PCGF5: variants seen among roughly 807,000 people sequenced by gnomAD.
The protein encoded by PCGF5 is polycomb group RING finger protein 5.
In PCGF5, 9 loss-of-function variants were observed where a neutral mutation model predicts 44.3. That is an observed-to-expected ratio of 0.20 (90% CI 0.12 to 0.35). The LOEUF (loss-of-function observed/expected upper bound fraction) is 0.35, where lower values mean the gene tolerates loss of function less well. Among genes scored for constraint, PCGF5 ranks in the 10% least tolerant of loss-of-function variants. The pLI, the probability that PCGF5 is intolerant of heterozygous loss-of-function variation, is 1.00. For synonymous variants in PCGF5, 95 were observed against 102.5 expected (o/e 0.93, Z 0.44); for missense variants, 146 against 305.3 (o/e 0.48, Z 3.89).
intron 1 of PCGF5, among the ~76,000 whole-genome samples, chr10:91,199,664 G>T (rs1308348047): frequency 6.6e-6 from 1 of 152,186 alleles, no homozygotes; most frequent in Non-Finnish European, 1.5e-5. Flanking sequence ...AACATTCAAG[G>T]CTAGTTTTAG....
intron 2 of PCGF5, among the ~76,000 whole-genome samples, chr10:91,240,154 CCTA>C (rs560012496): frequency 1.1e-3 from 167 of 151,972 alleles, no homozygotes; most frequent in African/African-American, 3.9e-3. Flanking sequence ...CTTTTTCTGT[CCTA>C]CTTCTTTAAA....
intron 2 of PCGF5, among the ~76,000 whole-genome samples, chr10:91,225,214 T>C (rs913973265): frequency 2.7e-5 from 4 of 147,762 alleles, no homozygotes; most frequent in Middle Eastern, 3.6e-3. Context: ...ATATATATCA[T>C]ATATTTGATA....
intron 3 of PCGF5, among the ~76,000 whole-genome samples, chr10:91,242,927 T>C (rs1845367415): frequency 6.6e-6 from 1 of 152,210 alleles, no homozygotes; most frequent in Non-Finnish European, 1.5e-5. Flanking sequence ...TGATGTCCTT[T>C]ATAGAGATCT....
intron 2 of PCGF5, chr10:91,227,242 T>C (rs920361326): frequency 6.9e-6 from 3 of 435,692 alleles, no homozygotes; most frequent in African/African-American, 6.2e-5. Flanking sequence ...TATGTTCTTT[T>C]TTTTTTCCTG....
At chr10:91,228,663 T>C (rs1844916507) in intron 2 of PCGF5, among the ~76,000 whole-genome samples, 1 of 152,242 alleles carries the variant, frequency 6.6e-6, no homozygotes, top group Non-Finnish European at 1.5e-5. Flanking sequence ...AACCATTTAT[T>C]GTTTTTGAAC....
At chr10:91,177,748 G>A (rs548341107) in intron 1 of PCGF5, among the ~76,000 whole-genome samples, 123 of 152,176 alleles carry the variant, frequency 8.1e-4, no homozygotes, top group Non-Finnish European at 9.1e-4. Context: ...TGCTAAGACC[G>A]TCGGAAAAGT....
At chr10:91,267,475 G>A (rs754776587) in intron 8 of PCGF5, among the ~76,000 whole-genome samples, 2 of 152,172 alleles carry the variant, frequency 1.3e-5, no homozygotes, top group African/African-American at 2.4e-5. Context: ...GCAGTGCCCA[G>A]CATATATACT....
rs189346280 is a variant in PCGF5 at position 91,271,944 on chromosome 10, A to G, written c.723+247A>G. Among the ~76,000 whole-genome samples the G allele has an allele frequency of 6.2e-3, 949 of 152,342 alleles. 8 individuals carry two copies. Among genetic ancestry groups the G allele is most frequent in the Non-Finnish European group, 0.01 (714 of 68,032 alleles). On this transcript the variant is annotated intron_variant, in intron 9 of 9. Transcript: ENST00000336126. ...ATTACTTATGAATCAGGAATTTTTA[A>G]TAATTACTACTTTCAGTCCTTGAGA... is the stretch of plus-strand genomic sequence containing the variant.
At chr10:91,200,425 G>A (rs1249272485) in intron 1 of PCGF5, among the ~76,000 whole-genome samples, 1 of 152,184 alleles carries the variant, frequency 6.6e-6, no homozygotes, top group African/African-American at 2.4e-5. Flanking sequence ...AGGGGATGTA[G>A]CCCCTTTCTG....
intron 1 of PCGF5, among the ~76,000 whole-genome samples, chr10:91,164,270 G>A (rs1446604653): frequency 6.6e-6 from 1 of 152,182 alleles, no homozygotes; most frequent in Non-Finnish European, 1.5e-5. Flanking sequence ...CGCCCGGAGG[G>A]ACGGGGGAGA....
intron 6 of PCGF5, among the ~76,000 whole-genome samples, chr10:91,260,690 C>A (rs1845880374): frequency 6.6e-6 from 1 of 151,882 alleles, no homozygotes. Context: ...AACCATCATT[C>A]TCAGCAAACT....
chr10:91,168,760 C>G (rs12259585), intron 1 of PCGF5, among the ~76,000 whole-genome samples: 1 of 151,654 alleles, frequency 6.6e-6, no homozygotes, highest in Non-Finnish European at 1.5e-5. Context: ...AACCCCGTCT[C>G]TACTAAAAAT....
chr10:91,159,475 C>T (rs890608047), upstream of PCGF5, among the ~76,000 whole-genome samples: 1 of 152,056 alleles, frequency 6.6e-6, no homozygotes, highest in African/African-American at 2.4e-5. Flanking sequence ...CAGAGAGCTC[C>T]GAGGCTCAGT....
At chr10:91,162,943 CGCCCCGCGCCGCTCGCACCCCCGCT>C (rs1328046380), upstream of PCGF5, 1 of 145,556 alleles carries the variant, frequency 6.9e-6, no homozygotes, top group Non-Finnish European at 1.5e-5. Context: ...GCCCAGCCCC[CGCCCCGCGCCGCTCGCACCCCCGCT>C]GCCCCGCCCC....
rs182237076 is a variant in PCGF5 at position 91,178,637 on chromosome 10, C to A, written c.-184+15556C>A. 2.0e-3 allele frequency among the ~76,000 whole-genome samples: 302 copies of A among 152,218 alleles called. 2 individuals carry two copies. Among genetic ancestry groups the A allele is most frequent in the Non-Finnish European group, 3.7e-3 (252 of 68,014 alleles). ...ACCCCTGGGCCAGCCAGTCCTCCCA[C>A]CTCGGCCTCCCAAAGTGCTGGGATT... On this transcript the variant is annotated intron_variant, in intron 1 of 9. Coordinates refer to the PCGF5 transcript ENST00000614189.
At chr10:91,178,461 C>T (rs1263071519) in intron 1 of PCGF5, among the ~76,000 whole-genome samples, 1 of 150,718 alleles carries the variant, frequency 6.6e-6, no homozygotes, top group Non-Finnish European at 1.5e-5. Flanking sequence ...GTGATTATAG[C>T]TCACAGCAGC....
At chr10:91,201,311 G>T (rs1450489712) in intron 1 of PCGF5, among the ~76,000 whole-genome samples, 1 of 152,086 alleles carries the variant, frequency 6.6e-6, no homozygotes. Flanking sequence ...GTCAGCTCAG[G>T]TCTCTCTTCA....
intron 1 of PCGF5, among the ~76,000 whole-genome samples, chr10:91,197,020 A>C (rs954370818): frequency 2.0e-5 from 3 of 152,316 alleles, no homozygotes; most frequent in Non-Finnish European, 4.4e-5. Flanking sequence ...ACAACAACAA[A>C]AAAAACATGA....
chr10:91,256,707 G>A (rs2133396045), intron 6 of PCGF5, among the ~76,000 whole-genome samples: 1 of 152,212 alleles, frequency 6.6e-6, no homozygotes, highest in African/African-American at 2.4e-5. Context: ...AGTGACTCAT[G>A]CACAAAGGAC....
Sources: gnomAD v4.1 joint callset for allele counts (sites outside exome capture counted in the v4.1 genomes callset) on GRCh38, gnomAD v4.1.1 for gene constraint, MANE v1.5 for transcripts, NCBI Gene and HGNC (gene_info 2026-07-23, HGNC 2026-07-21) for gene names.